RAD50: variants seen among roughly 807,000 people sequenced by gnomAD.
RAD50 encodes the protein DNA repair protein RAD50.
In RAD50, 132 loss-of-function variants were observed where a neutral mutation model predicts 168.8. The ratio of observed to expected loss-of-function variants is 0.78; its 90% CI spans 0.68 to 0.90. The LOEUF (loss-of-function observed/expected upper bound fraction) is 0.90, where lower values mean the gene tolerates loss of function less well. RAD50 is among the 40% of genes least tolerant of loss of function. The pLI, the probability that RAD50 is intolerant of heterozygous loss-of-function variation, is 0.00. For missense variants in RAD50, 1,347 were observed against 1,534.4 expected, an observed-to-expected ratio of 0.88 and a Z score of 2.04; for synonymous variants, 525 against 497.4, an observed-to-expected ratio of 1.06 and a Z score of -0.74.
In RAD50 at chr5:132,588,663, A is replaced by T. The variant is rs1375510999; in HGVS notation, c.1052-24A>T. On this transcript the variant is annotated intron_variant, in intron 7 of 24. Transcript: ENST00000378823. The stretch of plus-strand genomic sequence containing the variant: ...TTTTTAAGCACCAGTTGAAAAAAAA[A>T]TTATGAGATTTTTTTTTTAAAAGGT... The T allele has an allele frequency of 2.5e-6, 4 of 1,604,542 alleles. No homozygotes were observed. The African/African-American group carries it at 5.4e-5, about 22-fold the overall frequency.
intron 2 of RAD50, among the ~76,000 whole-genome samples, chr5:132,572,006 A>G (rs771213804): frequency 2.6e-5 from 4 of 152,236 alleles, no homozygotes; most frequent in Non-Finnish European, 4.4e-5. Context: ...CACCAAATAC[A>G]AAGTGTAATT....
At chr5:132,620,507 C>T (rs1751267720) in intron 21 of RAD50, among the ~76,000 whole-genome samples, 1 of 152,178 alleles carries the variant, frequency 6.6e-6, no homozygotes, top group Admixed American at 6.5e-5. Context: ...GTATGTCTGT[C>T]TTTTAACCAG....
intron 16 of RAD50, among the ~76,000 whole-genome samples, chr5:132,606,520 A>C (rs927646531): frequency 6.6e-6 from 1 of 152,234 alleles, no homozygotes; most frequent in Non-Finnish European, 1.5e-5. Flanking sequence ...ACAGATTCAC[A>C]GCCGAATTCT....
chr5:132,623,208 G>A (rs552238160), intron 21 of RAD50, among the ~76,000 whole-genome samples: 1 of 152,310 alleles, frequency 6.6e-6, no homozygotes, highest in Admixed American at 6.5e-5. Flanking sequence ...GCTGGGCACG[G>A]TGGCTCATGC....
At chr5:132,635,335 ATCATTGTTAT>A (rs1751558962) in intron 21 of RAD50, among the ~76,000 whole-genome samples, 1 of 152,256 alleles carries the variant, frequency 6.6e-6, no homozygotes, top group South Asian at 2.1e-4. Context: ...AATCATTATT[ATCATTGTTAT>A]TCCCTTATGT....
intron 15 of RAD50, 149 bp downstream of exon 15, chr5:132,604,195 C>T (rs1053225698): frequency 1.7e-5 from 15 of 880,186 alleles, no homozygotes; most frequent in Non-Finnish European, 2.7e-5. Context: ...AGCATCACTT[C>T]TCTTTGTTCT....
chr5:132,595,424 A>G (rs1344908841), intron 12 of RAD50, 149 bp from the exon 13 acceptor site: 1 of 521,136 alleles, frequency 1.9e-6, no homozygotes, highest in Non-Finnish European at 3.1e-6. Context: ...GAATATCGGA[A>G]TTTTAAATAT....
chr5:132,615,553 G>C (rs887336079), intron 19 of RAD50, among the ~76,000 whole-genome samples: 3 of 152,098 alleles, frequency 2.0e-5, no homozygotes, highest in Non-Finnish European at 4.4e-5. Context: ...TAATCTTTCA[G>C]GTCAGTAGGC....
chr5:132,614,910 G>T lies in RAD50; in HGVS notation c.3037-1093G>T, dbSNP rs530129141. ...CATTAAGCATGTGAGAGAAATCCTT[G>T]ATTTCCCTCTCTCATCTACCAGTCC... On this transcript the variant is annotated intron_variant, in intron 19 of 24. Transcript: ENST00000378823. Among the ~76,000 whole-genome samples the T allele has an allele frequency of 2.6e-5, 4 of 152,130 alleles. 1 individual carries two copies. In the South Asian group the frequency reaches 8.3e-4, roughly 32 times the overall value.
In RAD50 at chr5:132,619,963, G is replaced by A. The variant is rs549224559; in HGVS notation, c.3389+1669G>A. Among the ~76,000 whole-genome samples the A allele has an allele frequency of 1.7e-3, 258 of 149,354 alleles. 1 individual carries two copies. The highest frequency in any genetic ancestry group is 6.2e-3 in the African/African-American group (249 of 40,360). On this transcript the variant is annotated intron_variant, in intron 21 of 24. Coordinates refer to ENST00000378823, the MANE Select transcript of RAD50 (RefSeq NM_005732.4). Reference sequence around the variant, plus strand: ...TCAGTCGCCCAGGCTGGAGTGCAGTGGCGCCATCTCGGCTCACTGCAAGCT... The same window carrying A: ...TCAGTCGCCCAGGCTGGAGTGCAGTAGCGCCATCTCGGCTCACTGCAAGCT...
chr5:132,583,410 C>T (rs1254394284), intron 5 of RAD50, among the ~76,000 whole-genome samples: 1 of 151,688 alleles, frequency 6.6e-6, no homozygotes, highest in African/African-American at 2.4e-5. Context: ...TAAAATCCAC[C>T]CTTTTTAGAG....
chr5:132,577,892 G>A (rs2706354), intron 3 of RAD50, among the ~76,000 whole-genome samples: 8,799 of 139,480 alleles, frequency 0.063, 781 homozygotes, highest in African/African-American at 0.22. Flanking sequence ...TCAGCTCACT[G>A]CAACCTCCGC....
intron 21 of RAD50, among the ~76,000 whole-genome samples, 174 bp from the exon 22 acceptor site, chr5:132,636,941 T>C (rs1751591916): frequency 6.6e-6 from 1 of 152,090 alleles, no homozygotes; most frequent in Non-Finnish European, 1.5e-5. Context: ...CAGCAAAGTT[T>C]TGCTGCTGTT....
At chr5:132,595,890 G>A in intron 13 of RAD50, 80 bp downstream of exon 13, 1 of 1,309,822 alleles carries the variant, frequency 7.6e-7, no homozygotes, top group Non-Finnish European at 1.1e-6. Context: ...GCAGATGGTA[G>A]TTACTCAGTA....
In RAD50 at chr5:132,587,632, A is replaced by G. The variant is rs1219033851; in HGVS notation, c.827A>G (p.Asp276Gly). ...CTTGACAATGAAATTAAAGCCTTGG[A>G]TAGCCGAAAGAAGCAAATGGAGAAA... Reference protein sequence around the residue: ...MKLDNEIKALDSRKKQMEKDN... With the variant: ...MKLDNEIKALGSRKKQMEKDN... Residue 276 changes from aspartate (D) to glycine (G), a missense_variant, in exon 6 of 25, where the codon GAT becomes GGT. By Grantham distance (94) the Asp-to-Gly change is moderately conservative. Coordinates refer to ENST00000378823, the MANE Select transcript of RAD50 (RefSeq NM_005732.4). The G allele has an allele frequency of 6.2e-7, 1 of 1,613,892 alleles. No individual in the cohort carries two copies. Among genetic ancestry groups the G allele is most frequent in the Non-Finnish European group, 8.5e-7 (1 of 1,179,880 alleles).
At chr5:132,638,550 T>TA (rs1414373101) in intron 23 of RAD50, among the ~76,000 whole-genome samples, 4 of 152,342 alleles carry the variant, frequency 2.6e-5, no homozygotes, top group Admixed American at 1.3e-4. Flanking sequence ...TTATAAGACA[T>TA]ACCACTATTT....
chr5:132,579,376 G>A lies in RAD50; in HGVS notation c.425G>A (p.Ser142Asn), dbSNP rs745933578. ...KCAEIDREMISSLGVSKAVLN... is the reference protein window; with the variant it reads ...KCAEIDREMINSLGVSKAVLN... ...GCAGAAATTGACCGAGAAATGATCA[G>A]TTCTCTTGGGGTTTCCAAGGCTGTG... is the stretch of plus-strand genomic sequence containing the variant. The change falls in exon 4 of 25, where the codon AGT (serine) becomes AAT (asparagine). Residue 142 changes from serine to asparagine, a missense_variant. Around this residue, in one of 3 missense-constraint regions of RAD50, gnomAD observed 703 missense variants for 767.7 expected, o/e 0.92. Transcript: ENST00000378823. The A allele has an allele frequency of 6.2e-7, 1 of 1,613,924 alleles. No individual in the cohort carries two copies. Among genetic ancestry groups the A allele is most frequent in the Non-Finnish European group, 8.5e-7 (1 of 1,179,856 alleles).
chr5:132,577,636 G>A (rs2706353), intron 3 of RAD50, among the ~76,000 whole-genome samples: 46,198 of 151,758 alleles, frequency 0.3, 8,758 homozygotes, highest in African/African-American at 0.55. Flanking sequence ...GCTCAGTCCT[G>A]TATCTTCTCC....
At chr5:132,563,013 C>T (rs1750147368) in intron 2 of RAD50, among the ~76,000 whole-genome samples, 2 of 152,104 alleles carry the variant, frequency 1.3e-5, no homozygotes, top group Non-Finnish European at 1.5e-5. Context: ...ATGTGGAGTC[C>T]GTTGTTGCTC....
Sources: gnomAD v4.1 joint callset for allele counts (sites outside exome capture counted in the v4.1 genomes callset) on GRCh38, gnomAD v4.1.1 for gene constraint, gnomAD v4.1.1 regional missense constraint, MANE v1.5 for transcripts, NCBI Gene and HGNC (gene_info 2026-07-23, HGNC 2026-07-21) for gene names.